The following CDC20B variants were observed in gnomAD, a reference collection of about 807,000 sequenced individuals.
CDC20B encodes cell division cycle protein 20 homolog B.
Under a neutral mutation model 64.1 loss-of-function variants are expected in CDC20B, and 58 were observed. The ratio of observed to expected loss-of-function variants is 0.90; its 90% CI spans 0.73 to 1.13. CDC20B has a LOEUF of 1.13. Among genes scored for constraint, CDC20B ranks in the 50% most tolerant of loss-of-function variants. The pLI is 0.00. For missense variants in CDC20B, 597 were observed against 633.0 expected (o/e 0.94, Z 0.61); for synonymous variants, 243 against 230.6 (o/e 1.05, Z -0.49).
intron 3 of CDC20B, among the ~76,000 whole-genome samples, chr5:55,145,044 C>T (rs1377357284): frequency 6.6e-6 from 1 of 152,168 alleles, no homozygotes; most frequent in East Asian, 1.9e-4. Context: ...ATTTCTCACA[C>T]AATGTCATAC....
intron 2 of CDC20B, among the ~76,000 whole-genome samples, chr5:55,171,243 C>A (rs1644793151): frequency 6.6e-6 from 1 of 152,128 alleles, no homozygotes; most frequent in Non-Finnish European, 1.5e-5. Flanking sequence ...AACCCGGGAG[C>A]TGGAGTTTGC....
intron 8 of CDC20B, among the ~76,000 whole-genome samples, chr5:55,125,463 G>A (rs903887): frequency 0.16 from 24,727 of 152,084 alleles, 2,386 homozygotes; most frequent in South Asian, 0.3. Flanking sequence ...CATAGAAAAA[G>A]GAAATAAATA....
At chr5:55,160,966 C>G in intron 2 of CDC20B, 1 of 1,581,236 alleles carries the variant, frequency 6.3e-7, no homozygotes, top group Non-Finnish European at 8.6e-7. Flanking sequence ...CTTCACTTTC[C>G]GGTTGGATTT....
chr5:55,128,771 A>G (rs541198100), intron 6 of CDC20B, among the ~76,000 whole-genome samples, 154 bp from the exon 7 acceptor site: 14 of 152,350 alleles, frequency 9.2e-5, no homozygotes, highest in African/African-American at 3.4e-4. Context: ...TTAAAAGTTC[A>G]AAAATGAAAA....
At position 55,172,612 on chromosome 5, in the gene CDC20B, C is replaced by G; in HGVS notation, c.102G>C (p.Gln34His). The G allele has an allele frequency of 2.5e-6, 4 of 1,613,644 alleles. No individual in the cohort carries two copies. The highest frequency in any genetic ancestry group is 3.4e-6 in the Non-Finnish European group (4 of 1,179,702). Residue 34 changes from glutamine to histidine, a missense_variant, in exon 2 of 12, where the codon CAG becomes CAC. Transcript: ENST00000381375. ...CGTTGGCGGAATCTTGACTTCTCTT[C>G]TGCTTCAAGTCTTTGGAGAGCACAC... ...IMRVLSKDLK[Q>H]KRSQDSANVL...
chr5:55,140,926 A>G (rs1241256961), intron 4 of CDC20B, among the ~76,000 whole-genome samples: 1 of 152,250 alleles, frequency 6.6e-6, no homozygotes. Flanking sequence ...AAAATTAGTA[A>G]TAAGTGGAAA....
At chr5:55,128,948 T>A (rs2111828709) in intron 6 of CDC20B, among the ~76,000 whole-genome samples, 1 of 152,304 alleles carries the variant, frequency 6.6e-6, no homozygotes, top group African/African-American at 2.4e-5. Flanking sequence ...TAAAAGCATA[T>A]AATTCTTATG....
chr5:55,159,403 A>G (rs564372641), intron 2 of CDC20B, among the ~76,000 whole-genome samples: 1 of 152,228 alleles, frequency 6.6e-6, no homozygotes, highest in African/African-American at 2.4e-5. Flanking sequence ...TAAAAATGCA[A>G]CAGGTGGGGG....
chr5:55,148,347 G>A (rs1580355575), intron 2 of CDC20B, among the ~76,000 whole-genome samples: 1 of 152,176 alleles, frequency 6.6e-6, no homozygotes, highest in African/African-American at 2.4e-5. Flanking sequence ...AGGACTTTTG[G>A]ACAATGTGCG....
chr5:55,164,271 T>A (rs1223870418), intron 2 of CDC20B: 2 of 1,364,374 alleles, frequency 1.5e-6, no homozygotes, highest in African/African-American at 1.5e-5. Flanking sequence ...GAGGGTTTGG[T>A]CTCATTTTAA....
At position 55,143,592 on chromosome 5, in the gene CDC20B, C is replaced by A; in HGVS notation, c.407G>T (p.Ser136Ile). ...KTPSKGISET[S>I]NSALHFCKAP... ...CTTGCAAAAATGGAGAGCAGAGTTA[C>A]TTGTTTCAGAAATTCCTTTGCTGGG... Residue 136 changes from serine to isoleucine, a missense_variant, in exon 4 of 12, where the codon AGT becomes ATT. By Grantham distance (142) the Ser-to-Ile change is moderately radical. Coordinates refer to ENST00000381375, the MANE Select transcript of CDC20B (RefSeq NM_001170402.1). The A allele has an allele frequency of 6.2e-7, 1 of 1,609,622 alleles. No homozygotes were observed. The highest frequency in any genetic ancestry group is 8.5e-7 in the Non-Finnish European group (1 of 1,177,416).
chr5:55,134,949 GTATAC>G (rs1372822981), intron 5 of CDC20B, among the ~76,000 whole-genome samples: 1 of 152,146 alleles, frequency 6.6e-6, no homozygotes, highest in African/African-American at 2.4e-5. Context: ...AAACTATTCT[GTATAC>G]TATAATAGTG....
In CDC20B at chr5:55,114,349, C is replaced by T. The variant is rs746397593; in HGVS notation, c.1460-31G>A. On this transcript the variant is annotated intron_variant, in intron 11 of 11. Coordinates refer to ENST00000381375, the MANE Select transcript of CDC20B (RefSeq NM_001170402.1). The surrounding 1 kb of genome is among the most constrained non-coding windows in gnomAD (Gnocchi z 4.1). ...GGAAGAAGGAAAGACAGTTCATACT[C>T]CTCCACGTTACATGGGCTGCTGCTC... 5 of 1,610,598 alleles carry T rather than the reference C, an allele frequency of 3.1e-6. No homozygotes were observed. The highest frequency in any genetic ancestry group is 4.2e-6 in the Non-Finnish European group (5 of 1,178,214).
intron 2 of CDC20B, chr5:55,170,825 C>G: frequency 2.5e-6 from 1 of 407,832 alleles, no homozygotes; most frequent in Non-Finnish European, 5.2e-6. Flanking sequence ...TCTTAATAGT[C>G]ACATTAAAGA....
intron 2 of CDC20B, among the ~76,000 whole-genome samples, chr5:55,154,096 G>A (rs1743746458): frequency 6.6e-6 from 1 of 152,192 alleles, no homozygotes; most frequent in Non-Finnish European, 1.5e-5. Context: ...GACAAGTCAG[G>A]ATTCGAACCC....
At chr5:55,165,167 A>G (rs957992730) in intron 2 of CDC20B, 2 of 152,220 alleles carry the variant, frequency 1.3e-5, no homozygotes, top group African/African-American at 4.8e-5. Flanking sequence ...AGTCAACTCC[A>G]AACAGCCTAA....
chr5:55,143,961 G>A (rs1239885624), intron 3 of CDC20B, among the ~76,000 whole-genome samples: 1 of 149,704 alleles, frequency 6.7e-6, no homozygotes, highest in Non-Finnish European at 1.5e-5. Flanking sequence ...TTCATTTGCT[G>A]CAGCAGCAGT....
chr5:55,120,293 T>C (rs1742724929), intron 10 of CDC20B, 132 bp downstream of exon 10: 1 of 974,022 alleles, frequency 1.0e-6, no homozygotes, highest in African/African-American at 1.7e-5. Context: ...AAAAAGAAAC[T>C]CTTGAGAACT....
chr5:55,131,168 A>C (rs1264254264), intron 6 of CDC20B, among the ~76,000 whole-genome samples: 1 of 152,096 alleles, frequency 6.6e-6, no homozygotes, highest in East Asian at 1.9e-4. Context: ...AAACAAACAA[A>C]CACATGACAA....
Sources: gnomAD v4.1 joint callset for allele counts (sites outside exome capture counted in the v4.1 genomes callset) on GRCh38, gnomAD v4.1.1 for gene constraint, Gnocchi (gnomAD v3.1) non-coding constraint, MANE v1.5 for transcripts, NCBI Gene and HGNC (gene_info 2026-07-23, HGNC 2026-07-21) for gene names.